CMTM8: variants seen among roughly 807,000 people sequenced by gnomAD.
CMTM8 encodes the protein CKLF-like MARVEL transmembrane domain-containing protein 8.
In CMTM8, 12 loss-of-function variants were observed where a neutral mutation model predicts 18.6. That is an observed-to-expected ratio of 0.65 (90% CI 0.41 to 1.05). The LOEUF is 1.05. Ranked by LOEUF, CMTM8 falls within the 50% of genes least tolerant of loss-of-function variation. The pLI is 0.00. For synonymous variants in CMTM8, 87 were observed against 90.6 expected, an observed-to-expected ratio of 0.96 and a Z score of 0.23; for missense variants, 217 against 227.2, an observed-to-expected ratio of 0.95 and a Z score of 0.29.
intron 1 of CMTM8, among the ~76,000 whole-genome samples, chr3:32,275,693 A>G (rs1480738191): frequency 8.4e-6 from 1 of 119,634 alleles, no homozygotes; most frequent in Non-Finnish European, 1.6e-5. Context: ...TGTGTCACCC[A>G]GGCTGGAGTG....
At position 32,298,924 on chromosome 3, in the gene CMTM8, CATATATATATATATATGT is replaced by C. The variant is rs1182289132; in HGVS notation, c.148-58434_148-58417del. 1.0e-4 allele frequency among the ~76,000 whole-genome samples: 9 copies of C among 86,562 alleles called. No individual in the cohort carries two copies. In the East Asian group the frequency reaches 1.5e-3, roughly 14 times the overall value. The allele number at this position is 86,562 out of a possible 152,430, so 56.8% of individuals were successfully genotyped here. On this transcript the variant is annotated intron_variant, in intron 1 of 3. Coordinates refer to ENST00000307526, the MANE Select transcript of CMTM8 (RefSeq NM_178868.5). ...ACACACACACACACATACACACACA[CATATATATATATATATGT>C]ATATATATATATATTTTTTTTTTTT...
intron 1 of CMTM8, among the ~76,000 whole-genome samples, chr3:32,263,967 T>C (rs1266950079): frequency 6.6e-6 from 1 of 152,190 alleles, no homozygotes; most frequent in Non-Finnish European, 1.5e-5. Flanking sequence ...ACCAAATCTA[T>C]GTCTGATTGG....
chr3:32,334,507 G>A, intron 1 of CMTM8, among the ~76,000 whole-genome samples: 1 of 151,788 alleles, frequency 6.6e-6, no homozygotes, highest in East Asian at 2.0e-4. Context: ...TCGGGAGGCT[G>A]AGGCAAGAGA....
intron 1 of CMTM8, among the ~76,000 whole-genome samples, chr3:32,326,324 T>C (rs1252230605): frequency 6.6e-6 from 1 of 152,154 alleles, no homozygotes; most frequent in Non-Finnish European, 1.5e-5. Flanking sequence ...TCTGAACTCC[T>C]TAACCTGCCA....
At chr3:32,350,950 C>T (rs575347831) in intron 1 of CMTM8, among the ~76,000 whole-genome samples, 3 of 152,324 alleles carry the variant, frequency 2.0e-5, no homozygotes, top group Admixed American at 6.5e-5. Context: ...TGAGCCACCG[C>T]ACCTGGCTCT....
intron 1 of CMTM8, among the ~76,000 whole-genome samples, chr3:32,281,981 C>T (rs951401107): frequency 6.6e-6 from 1 of 152,108 alleles, no homozygotes; most frequent in African/African-American, 2.4e-5. Context: ...GGCCTTAGAA[C>T]ATTCCTCTTT....
At chr3:32,339,822 G>A (rs1405480475) in intron 1 of CMTM8, among the ~76,000 whole-genome samples, 1 of 152,140 alleles carries the variant, frequency 6.6e-6, no homozygotes, top group African/African-American at 2.4e-5. Flanking sequence ...AATTAGCCAG[G>A]TGATGTGGCT....
At chr3:32,366,390 C>A (rs1475251641) in intron 2 of CMTM8, among the ~76,000 whole-genome samples, 1 of 152,198 alleles carries the variant, frequency 6.6e-6, no homozygotes, top group Non-Finnish European at 1.5e-5. Context: ...TCCTCTCTGG[C>A]CCCCTCGTCC....
intron 1 of CMTM8, among the ~76,000 whole-genome samples, chr3:32,299,461 G>A (rs1022525054): frequency 6.6e-6 from 1 of 152,136 alleles, no homozygotes; most frequent in Admixed American, 6.6e-5. Flanking sequence ...TCTGGTATTA[G>A]GTCATTTTTA....
intron 1 of CMTM8, among the ~76,000 whole-genome samples, chr3:32,345,993 A>G (rs1484720927): frequency 2.0e-5 from 3 of 152,142 alleles, no homozygotes; most frequent in African/African-American, 7.2e-5. Flanking sequence ...CGTCTCTACT[A>G]AAAATACAAA....
At chr3:32,292,196 C>T (rs1702790935) in intron 1 of CMTM8, among the ~76,000 whole-genome samples, 1 of 152,146 alleles carries the variant, frequency 6.6e-6, no homozygotes, top group African/African-American at 2.4e-5. Context: ...GAAATGTCTG[C>T]CTCCCACATT....
chr3:32,332,530 T>G (rs1288766408), intron 1 of CMTM8, among the ~76,000 whole-genome samples: 1 of 152,080 alleles, frequency 6.6e-6, no homozygotes, highest in Admixed American at 6.6e-5. Flanking sequence ...AGATCTGGCC[T>G]GTAGGGTAAA....
chr3:32,352,195 ACACACT>A (rs1696723046), intron 1 of CMTM8, among the ~76,000 whole-genome samples: 1 of 133,392 alleles, frequency 7.5e-6, no homozygotes, highest in African/African-American at 2.7e-5. Flanking sequence ...ACACACACAC[ACACACT>A]CACAAAAAAA....
chr3:32,344,590 T>C (rs1466864722), intron 1 of CMTM8, among the ~76,000 whole-genome samples: 1 of 152,194 alleles, frequency 6.6e-6, no homozygotes, highest in Non-Finnish European at 1.5e-5. Flanking sequence ...ACTTATTGTC[T>C]TTCTGGATGA....
intron 1 of CMTM8, among the ~76,000 whole-genome samples, chr3:32,281,946 G>A (rs961134123): frequency 1.3e-5 from 2 of 151,908 alleles, no homozygotes; most frequent in Admixed American, 6.6e-5. Flanking sequence ...CTCCCCAACT[G>A]TAAATACAAG....
chr3:32,335,204 G>A (rs1696363074), intron 1 of CMTM8, among the ~76,000 whole-genome samples: 1 of 152,218 alleles, frequency 6.6e-6, no homozygotes, highest in South Asian at 2.1e-4. Flanking sequence ...GTACCAGTGG[G>A]TCTGCCAAGC....
chr3:32,249,030 CTTTTT>C (rs58156524), intron 1 of CMTM8, among the ~76,000 whole-genome samples: 12 of 62,460 alleles, frequency 1.9e-4, no homozygotes, highest in Non-Finnish European at 8.1e-5. Context: ...AATGTGGAAT[CTTTTT>C]TTTTTTTTTT....
intron 1 of CMTM8, among the ~76,000 whole-genome samples, chr3:32,273,128 AATGTGT>A (rs1702465181): frequency 1.5e-5 from 1 of 64,808 alleles, no homozygotes; most frequent in African/African-American, 5.1e-5. Context: ...AATTGGAACA[AATGTGT>A]GTGTGTGTGT....
At chr3:32,271,623 A>T (rs868133164) in intron 1 of CMTM8, among the ~76,000 whole-genome samples, 7 of 152,154 alleles carry the variant, frequency 4.6e-5, no homozygotes, top group African/African-American at 1.7e-4. Context: ...TTATGAACGT[A>T]CCATAATTTG....
Sources: allele counts gnomAD v4.1 joint callset (sites outside exome capture counted in the v4.1 genomes callset), GRCh38; gene constraint gnomAD v4.1.1; transcripts MANE v1.5; gene names NCBI Gene and HGNC (gene_info 2026-07-23, HGNC 2026-07-21).